The following DPP6 variants were observed in gnomAD, a reference collection of about 807,000 sequenced individuals.
The protein encoded by DPP6 is dipeptidyl peptidase like 6, also known as A-type potassium channel modulatory protein DPP6.
Under a neutral mutation model 122.6 loss-of-function variants are expected in DPP6, and 69 were observed. The ratio of observed to expected loss-of-function variants is 0.56; its 90% CI spans 0.46 to 0.69. The LOEUF (loss-of-function observed/expected upper bound fraction) is 0.69, where lower values mean the gene tolerates loss of function less well. Ranked by LOEUF, DPP6 falls within the 30% of genes least tolerant of loss-of-function variation. The probability of loss-of-function intolerance (pLI) is 0.00; values close to 1 mark genes in which losing one functional copy is unlikely to be tolerated. For missense variants in DPP6, 928 were observed against 1,116.9 expected, an observed-to-expected ratio of 0.83 and a Z score of 2.41; for synonymous variants, 418 against 433.1, an observed-to-expected ratio of 0.97 and a Z score of 0.43.
the DPP6 span, among the ~76,000 whole-genome samples, chr7:153,757,526 G>T: frequency 6.6e-6 from 1 of 152,264 alleles, no homozygotes; most frequent in African/African-American, 2.4e-5. Flanking sequence ...TCTTAGCATT[G>T]GTTGAGTGGG....
At chr7:154,019,443 TTCCTTCCC>T (rs1359354887) in intron 1 of DPP6, among the ~76,000 whole-genome samples, 3 of 151,724 alleles carry the variant, frequency 2.0e-5, no homozygotes, top group Non-Finnish European at 4.4e-5. Context: ...CCTCTCTCTC[TTCCTTCCC>T]TCCTTCCCTC....
chr7:154,331,060 T>A (rs915981289), intron 1 of DPP6, among the ~76,000 whole-genome samples: 1 of 152,174 alleles, frequency 6.6e-6, no homozygotes, highest in Admixed American at 6.5e-5. Context: ...CTGGTGGCAG[T>A]CATCTCCCCT....
intron 5 of DPP6, among the ~76,000 whole-genome samples, chr7:154,595,778 T>A (rs527606326): frequency 6.6e-6 from 1 of 152,234 alleles, no homozygotes; most frequent in Non-Finnish European, 1.5e-5. Context: ...TTGAGTAGCA[T>A]GGCTGGGTGC....
chr7:153,851,763 C>CA, the DPP6 span, among the ~76,000 whole-genome samples: 1 of 152,104 alleles, frequency 6.6e-6, no homozygotes, highest in African/African-American at 2.4e-5. Flanking sequence ...GACATTCTTT[C>CA]ATATAGTACT....
chr7:154,714,636 A>G (rs1005502132), intron 7 of DPP6, among the ~76,000 whole-genome samples: 5 of 152,254 alleles, frequency 3.3e-5, no homozygotes, highest in Admixed American at 2.6e-4. Context: ...CCATGATTCA[A>G]TTATCTCCAC....
In DPP6 at chr7:154,115,805, A is replaced by G. The variant is rs566440351; in HGVS notation, c.243+62742A>G. ...CAAACTTACAGAAGTTATTGTGAAT[A>G]CACAACCATCCAAGTAATTACACCT... On this transcript the variant is annotated intron_variant, in intron 1 of 25. Transcript: ENST00000377770. Among the ~76,000 whole-genome samples, 20 of 152,312 alleles carry G rather than the reference A, an allele frequency of 1.3e-4. No individual in the cohort carries two copies. The South Asian group carries it at 4.1e-3, about 32-fold the overall frequency.
chr7:154,127,781 T>G lies in DPP6; in HGVS notation c.243+74718T>G, dbSNP rs368555193. On this transcript the variant is annotated intron_variant, in intron 1 of 25. Transcript: ENST00000377770. ...GTTTCTGTCCAAGAATGAAGACAGC[T>G]TTCCCTTTCTAAAGCTGTTCTCAGC... Among the ~76,000 whole-genome samples the G allele has an allele frequency of 1.2e-3, 187 of 152,336 alleles. 1 individual carries two copies. The highest frequency in any genetic ancestry group is 4.3e-3 in the African/African-American group (180 of 41,574).
chr7:153,790,265 A>T, the DPP6 span, among the ~76,000 whole-genome samples: 4 of 152,180 alleles, frequency 2.6e-5, no homozygotes, highest in African/African-American at 9.6e-5. Context: ...ATATAGGAGC[A>T]TCTAGAGAAT....
intron 1 of DPP6, among the ~76,000 whole-genome samples, chr7:154,202,409 C>T (rs1799220610): frequency 6.6e-6 from 1 of 152,182 alleles, no homozygotes; most frequent in Non-Finnish European, 1.5e-5. Flanking sequence ...CACATTCATA[C>T]ATTTCTGTGA....
At chr7:154,745,830 C>A (rs10267814) in intron 8 of DPP6, among the ~76,000 whole-genome samples, 2 of 151,994 alleles carry the variant, frequency 1.3e-5, no homozygotes, top group South Asian at 2.1e-4. Context: ...AGGCCATTAA[C>A]CTTTTCATGA....
At chr7:154,411,974 C>A (rs553469553) in intron 1 of DPP6, among the ~76,000 whole-genome samples, 48 of 152,112 alleles carry the variant, frequency 3.2e-4, no homozygotes, top group Non-Finnish European at 4.9e-4. Flanking sequence ...AACAGCAGAA[C>A]TTGACTTCTC....
intron 1 of DPP6, among the ~76,000 whole-genome samples, chr7:154,319,853 T>C (rs1260924912): frequency 6.6e-6 from 1 of 151,640 alleles, no homozygotes; most frequent in Non-Finnish European, 1.5e-5. Flanking sequence ...TAGCTGGGCA[T>C]GGTGGTGGGT....
intron 7 of DPP6, among the ~76,000 whole-genome samples, chr7:154,692,693 A>T (rs1251853234): frequency 6.6e-6 from 1 of 152,100 alleles, no homozygotes; most frequent in Non-Finnish European, 1.5e-5. Context: ...CACCTCATTA[A>T]TTCAAGGTTC....
At chr7:153,963,222 C>A (rs1032996123) in intron 1 of DPP6, among the ~76,000 whole-genome samples, 10 of 151,844 alleles carry the variant, frequency 6.6e-5, no homozygotes, top group African/African-American at 2.4e-4. Context: ...AGAGTAAAGT[C>A]CAAGGGTAGG....
At chr7:154,008,362 T>C (rs541631906) in intron 1 of DPP6, among the ~76,000 whole-genome samples, 1 of 152,354 alleles carries the variant, frequency 6.6e-6, no homozygotes, top group South Asian at 2.1e-4. Context: ...TGACTGCCAT[T>C]TCAGTGTACT....
At chr7:154,871,159 A>G (rs1184719237) in intron 18 of DPP6, among the ~76,000 whole-genome samples, 1 of 151,858 alleles carries the variant, frequency 6.6e-6, no homozygotes, top group Non-Finnish European at 1.5e-5. Flanking sequence ...CACTCTACCC[A>G]CTGCTGTCCC....
intron 1 of DPP6, among the ~76,000 whole-genome samples, chr7:154,194,752 C>T (rs1257242840): frequency 6.6e-6 from 1 of 152,206 alleles, no homozygotes; most frequent in Admixed American, 6.5e-5. Context: ...TTTTCGTGGA[C>T]TTATTCGTCT....
rs541727979 is a variant in DPP6, at chr7:154,188,706, A to C, written c.243+135643A>C. On this transcript the variant is annotated intron_variant, in intron 1 of 25. Transcript: ENST00000377770. ...GTATCTAATAAACCCACACAACCCC[A>C]CACCTGTACACACACAGACTCTGGT... Among the ~76,000 whole-genome samples, 4 of 152,322 alleles carry C rather than the reference A, an allele frequency of 2.6e-5. No individual in the cohort carries two copies. In the South Asian group the frequency reaches 8.3e-4, roughly 32 times the overall value.
intron 1 of DPP6, among the ~76,000 whole-genome samples, chr7:154,142,950 A>T (rs1253386381): frequency 2.2e-5 from 3 of 138,902 alleles, no homozygotes; most frequent in Non-Finnish European, 4.6e-5. Flanking sequence ...ACAGTCTTCC[A>T]TATGCCAAAG....
Sources: gnomAD v4.1 joint callset for allele counts (sites outside exome capture counted in the v4.1 genomes callset) on GRCh38, gnomAD v4.1.1 for gene constraint, MANE v1.5 for transcripts, NCBI Gene and HGNC (gene_info 2026-07-23, HGNC 2026-07-21) for gene names.